NLGN4X: variants seen among roughly 807,000 people sequenced by gnomAD.
The protein encoded by NLGN4X is neuroligin 4 X-linked.
NLGN4X carries 3 observed loss-of-function variants against 40.3 expected under a neutral mutation model. The observed-to-expected ratio is 0.07, with a 90% confidence interval of 0.03 to 0.19. The LOEUF is 0.19. Ranked by LOEUF, NLGN4X falls within the 10% of genes least tolerant of loss-of-function variation. The pLI is 1.00. For missense variants in NLGN4X, 382 were observed against 708.3 expected (o/e 0.54, Z 5.23); for synonymous variants, 270 against 306.8 (o/e 0.88, Z 1.25).
intron 1 of NLGN4X, among the ~76,000 whole-genome samples, chrX:6,179,294 C>G (rs1411142167): frequency 9.0e-6 from 1 of 110,997 alleles, no homozygotes; most frequent in Non-Finnish European, 1.9e-5. Flanking sequence ...TTTTGAAACA[C>G]CATCATGAGG....
chrX:5,969,158 C>T (rs1043274852), intron 3 of NLGN4X, among the ~76,000 whole-genome samples: 2 of 109,824 alleles, frequency 1.8e-5, no homozygotes, highest in Admixed American at 1.9e-4. Context: ...GCAACAAAAG[C>T]CAAAATTGAC....
chrX:5,978,272 TTTTCTTTCTTTCTTTC>T (rs780650966), intron 3 of NLGN4X, among the ~76,000 whole-genome samples: 1,400 of 20,276 alleles, frequency 0.069, 28 homozygotes, highest in African/African-American at 0.11. Context: ...GCGTCTCTTT[TTTTCTTTCTTTCTTTC>T]TTTCTTTCTT....
At chrX:6,089,048 C>A (rs2038570464) in intron 2 of NLGN4X, among the ~76,000 whole-genome samples, 1 of 111,991 alleles carries the variant, frequency 8.9e-6, no homozygotes, top group African/African-American at 3.2e-5. Context: ...TTACTAAAAA[C>A]AATTCAAAAA....
intron 1 of NLGN4X, among the ~76,000 whole-genome samples, chrX:6,201,768 A>G (rs933592824): frequency 9.0e-6 from 1 of 111,131 alleles, no homozygotes; most frequent in Admixed American, 9.6e-5. Context: ...TTTTGGGAAC[A>G]CTGAATTGAG....
At chrX:6,025,589 G>A (rs368945394) in intron 3 of NLGN4X, among the ~76,000 whole-genome samples, 1 of 111,750 alleles carries the variant, frequency 8.9e-6, no homozygotes, top group Non-Finnish European at 1.9e-5. Flanking sequence ...ATCTACATGA[G>A]TCCATTAAAT....
intron 3 of NLGN4X, among the ~76,000 whole-genome samples, chrX:5,997,933 T>C (rs1288210674): frequency 1.8e-5 from 2 of 111,144 alleles, no homozygotes; most frequent in African/African-American, 3.3e-5. Flanking sequence ...CATGTGGAAA[T>C]TGAAATTCCT....
intron 1 of NLGN4X, among the ~76,000 whole-genome samples, chrX:6,206,537 C>A (rs929596617): frequency 1.8e-5 from 2 of 111,991 alleles, no homozygotes; most frequent in Admixed American, 9.5e-5. Context: ...GGAATATACT[C>A]TCTCAAAGTT....
chrX:6,154,775 A>G (rs1417342743), intron 1 of NLGN4X, among the ~76,000 whole-genome samples: 1 of 112,025 alleles, frequency 8.9e-6, no homozygotes, highest in Non-Finnish European at 1.9e-5. Flanking sequence ...AAGACTGCAT[A>G]AAATAATAAT....
chrX:5,973,149 G>T (rs2035074574), intron 3 of NLGN4X, among the ~76,000 whole-genome samples: 1 of 112,191 alleles, frequency 8.9e-6, no homozygotes, highest in Non-Finnish European at 1.9e-5. Context: ...ACAAACTAAA[G>T]ATTATTATTG....
intron 2 of NLGN4X, among the ~76,000 whole-genome samples, chrX:6,096,714 T>G (rs1014943532): frequency 8.9e-6 from 1 of 111,863 alleles, no homozygotes; most frequent in Admixed American, 9.5e-5. Context: ...GAGGCCAACA[T>G]TAAGGATGCT....
At chrX:5,901,678 T>C (rs780987056) in intron 5 of NLGN4X, among the ~76,000 whole-genome samples, 15 of 110,189 alleles carry the variant, frequency 1.4e-4, no homozygotes, top group Non-Finnish European at 2.3e-4. Flanking sequence ...GTGTGTGTGT[T>C]TATGTATGCA....
intron 1 of NLGN4X, among the ~76,000 whole-genome samples, chrX:6,165,783 T>C (rs1239918029): frequency 9.0e-6 from 1 of 111,383 alleles, no homozygotes; most frequent in Non-Finnish European, 1.9e-5. Flanking sequence ...TTCTCCACCC[T>C]AAGTCCAAAA....
chrX:6,161,187 AG>A (rs2040383216), intron 1 of NLGN4X, among the ~76,000 whole-genome samples: 1 of 28,566 alleles, frequency 3.5e-5, no homozygotes, highest in Non-Finnish European at 5.2e-5. Context: ...TATATTATAT[AG>A]GATATAAAAT....
intron 3 of NLGN4X, among the ~76,000 whole-genome samples, chrX:5,983,836 C>G (rs2035456038): frequency 9.0e-6 from 1 of 111,692 alleles, no homozygotes; most frequent in African/African-American, 3.2e-5. Context: ...GTCCCAGCTA[C>G]TCAGGAGGCT....
At chrX:6,142,791 C>G (rs2039974921) in intron 2 of NLGN4X, among the ~76,000 whole-genome samples, 1 of 112,348 alleles carries the variant, frequency 8.9e-6, no homozygotes, top group African/African-American at 3.2e-5. Flanking sequence ...ATTAATTTCT[C>G]TAATTCACAT....
At chrX:6,164,946 C>T (rs184617766) in intron 1 of NLGN4X, among the ~76,000 whole-genome samples, 42 of 111,378 alleles carry the variant, frequency 3.8e-4, no homozygotes, top group African/African-American at 1.3e-3. Flanking sequence ...AGGTGTTCGG[C>T]TCTAGATTAC....
At chrX:6,180,736 T>C (rs972474812) in intron 1 of NLGN4X, among the ~76,000 whole-genome samples, 5 of 110,913 alleles carry the variant, frequency 4.5e-5, no homozygotes, top group African/African-American at 1.6e-4. Context: ...TAAAAAAAAA[T>C]GTCTCAGAGT....
intron 3 of NLGN4X, among the ~76,000 whole-genome samples, chrX:6,011,817 G>A (rs956904556): frequency 1.8e-5 from 2 of 110,733 alleles, no homozygotes; most frequent in African/African-American, 6.6e-5. Context: ...GGTACCGTGG[G>A]GTGAGGAAAA....
chrX:6,228,007 C>T (rs1226298403), intron 1 of NLGN4X, among the ~76,000 whole-genome samples: 1 of 109,957 alleles, frequency 9.1e-6, no homozygotes, highest in Non-Finnish European at 1.9e-5. Flanking sequence ...GCCTCCCATG[C>T]CTCACAGTTT....
Sources: gnomAD v4.1 joint callset for allele counts (sites outside exome capture counted in the v4.1 genomes callset) on GRCh38, gnomAD v4.1.1 for gene constraint, MANE v1.5 for transcripts, NCBI Gene and HGNC (gene_info 2026-07-23, HGNC 2026-07-21) for gene names.